Variants in DRC1 observed in about 807,000 individuals in gnomAD.
DRC1 encodes the protein dynein regulatory complex protein 1.
DRC1 carries 74 observed loss-of-function variants against 98.7 expected under a neutral mutation model. That is an observed-to-expected ratio of 0.75 (90% CI 0.62 to 0.91). The LOEUF (loss-of-function observed/expected upper bound fraction) is 0.91, where lower values mean the gene tolerates loss of function less well. DRC1 is among the 40% of genes least tolerant of loss of function. The probability of loss-of-function intolerance (pLI) is 0.00; values close to 1 mark genes in which losing one functional copy is unlikely to be tolerated. For synonymous variants in DRC1, 336 were observed against 334.1 expected (o/e 1.01, Z -0.06); for missense variants, 875 against 886.0 (o/e 0.99, Z 0.16).
chr2:26,425,509 A>G (rs1663260285), intron 4 of DRC1, among the ~76,000 whole-genome samples: 1 of 152,218 alleles, frequency 6.6e-6, no homozygotes, highest in African/African-American at 2.4e-5. Flanking sequence ...ACTGTTTTTT[A>G]TAATGATTGC....
intron 11 of DRC1, 36 bp downstream of exon 11, chr2:26,448,839 C>G (rs766120707): frequency 6.2e-7 from 1 of 1,602,710 alleles, no homozygotes; most frequent in Non-Finnish European, 8.5e-7. Context: ...GAGGGACTCA[C>G]GGGGGTGTGC....
Position 26,401,958 on chromosome 2 carries a change from A to T in DRC1, c.-32A>T. The T allele has an allele frequency of 6.4e-7, 1 of 1,568,838 alleles. No homozygotes were observed. Among genetic ancestry groups the T allele is most frequent in the East Asian group, 2.3e-5 (1 of 42,648 alleles). On this transcript the variant is annotated 5_prime_UTR_variant, in exon 1 of 17. Coordinates refer to ENST00000288710, the MANE Select transcript of DRC1 (RefSeq NM_145038.5). ...AGCCTGAGGTCTGGAGGTGGTGCGG[A>T]GGGAGCCGCCTAGGGACCAGGGACT...
intron 7 of DRC1, among the ~76,000 whole-genome samples, chr2:26,437,419 G>A (rs574899461): frequency 1.3e-5 from 2 of 152,344 alleles, no homozygotes; most frequent in South Asian, 4.1e-4. Context: ...GCAGCTCCCT[G>A]CCCTGCCCCA....
rs1473620076 is a variant in DRC1 at position 26,454,829 on chromosome 2, G to A, written c.2063+39G>A. On this transcript the variant is annotated intron_variant, in intron 15 of 16. Transcript: ENST00000288710. This position sits in a 1 kb window ranked among gnomAD's most constrained non-coding sequence, Gnocchi z 5.2. ...TCATGGAGCAGGAGGGTGCTGGCGG[G>A]CAGGTGAGGAACGGTTGTTGGGAGC... 1.2e-6 allele frequency: 2 copies of A among 1,612,866 alleles called. No individual in the cohort carries two copies. Among genetic ancestry groups the A allele is most frequent in the East Asian group, 2.2e-5 (1 of 44,852 alleles).
chr2:26,421,557 CTTTT>C (rs397873833), intron 3 of DRC1, among the ~76,000 whole-genome samples, 157 bp downstream of exon 3: 3 of 120,120 alleles, frequency 2.5e-5, no homozygotes, highest in Admixed American at 9.2e-5. Context: ...CTTTCTCTCT[CTTTT>C]TTTTTTTTTT....
At chr2:26,434,807 T>A (rs1488340503) in intron 7 of DRC1, among the ~76,000 whole-genome samples, 1 of 150,584 alleles carries the variant, frequency 6.6e-6, no homozygotes, top group Non-Finnish European at 1.5e-5. Flanking sequence ...AGGAGAATGG[T>A]GTGAACCAGG....
intron 13 of DRC1, 74 bp from the exon 14 acceptor site, chr2:26,453,246 C>A: frequency 3.2e-6 from 5 of 1,552,630 alleles, no homozygotes; most frequent in East Asian, 2.3e-5. Context: ...TCTGGTTTTT[C>A]TTCTTCCTGC....
intron 13 of DRC1, 62 bp downstream of exon 13, chr2:26,450,743 A>G (rs994455702): frequency 3.6e-6 from 5 of 1,373,612 alleles, no homozygotes; most frequent in African/African-American, 1.5e-5. Context: ...TATTTATTTT[A>G]TTATACTTTA....
At chr2:26,410,740 C>T (rs1286550899) in intron 1 of DRC1, among the ~76,000 whole-genome samples, 3 of 152,008 alleles carry the variant, frequency 2.0e-5, no homozygotes, top group Admixed American at 1.3e-4. Flanking sequence ...AATAGACCCA[C>T]CCTAAGGCAC....
intron 11 of DRC1, 28 bp from the exon 12 acceptor site, chr2:26,449,968 C>G: frequency 1.2e-6 from 2 of 1,606,482 alleles, no homozygotes; most frequent in Non-Finnish European, 1.7e-6. Context: ...CTGTCCCCGA[C>G]AGGAGATGCC....
chr2:26,452,979 G>A (rs1408599607), intron 13 of DRC1, among the ~76,000 whole-genome samples: 1 of 152,194 alleles, frequency 6.6e-6, no homozygotes, highest in Non-Finnish European at 1.5e-5. Context: ...GGAGTAGGAG[G>A]AAGACCTTTT....
intron 7 of DRC1, among the ~76,000 whole-genome samples, chr2:26,439,647 A>G (rs1326829426): frequency 6.6e-6 from 1 of 151,858 alleles, no homozygotes; most frequent in Non-Finnish European, 1.5e-5. Flanking sequence ...ATTTATTTCT[A>G]TGGTGTTTTT....
intron 1 of DRC1, among the ~76,000 whole-genome samples, chr2:26,411,475 A>G (rs1678607068): frequency 6.6e-6 from 1 of 152,234 alleles, no homozygotes; most frequent in South Asian, 2.1e-4. Context: ...CAAGTGCTTT[A>G]TAGCCACATG....
intron 4 of DRC1, among the ~76,000 whole-genome samples, chr2:26,427,209 T>C (rs1663307822): frequency 6.6e-6 from 1 of 152,100 alleles, no homozygotes; most frequent in Admixed American, 6.6e-5. Context: ...CTCCACCTCC[T>C]GGGCTCAAGT....
intron 16 of DRC1, 114 bp from the exon 17 acceptor site, chr2:26,456,347 A>G: frequency 7.9e-7 from 1 of 1,269,632 alleles, no homozygotes; most frequent in African/African-American, 1.5e-5. Flanking sequence ...AGCTTTGGAG[A>G]GGAGATGCGT....
intron 4 of DRC1, among the ~76,000 whole-genome samples, chr2:26,426,253 G>A (rs1010785017): frequency 3.3e-5 from 5 of 152,176 alleles, no homozygotes; most frequent in Non-Finnish European, 7.4e-5. Context: ...AAGCCATTTG[G>A]TCATATATGT....
chr2:26,436,297 C>T (rs1308430747), intron 7 of DRC1, among the ~76,000 whole-genome samples: 2 of 151,942 alleles, frequency 1.3e-5, no homozygotes, highest in African/African-American at 4.8e-5. Flanking sequence ...TGTTCTTTGC[C>T]CACCCACTCC....
intron 5 of DRC1, 69 bp downstream of exon 5, chr2:26,429,834 T>A: frequency 6.5e-7 from 1 of 1,540,600 alleles, no homozygotes; most frequent in South Asian, 1.2e-5. Context: ...AGGTCTGTCC[T>A]AATAATCTAA....
rs945994669 is a variant in DRC1, at chr2:26,456,691, G to A, written c.*174G>A. 1 of 680,054 alleles carries A rather than the reference G, an allele frequency of 1.5e-6. No homozygotes were observed. The highest frequency in any genetic ancestry group is 1.8e-5 in the African/African-American group (1 of 55,466). The allele number at this position is 680,054 out of a possible 1,614,324, so 42.1% of individuals were successfully genotyped here. On this transcript the variant is annotated 3_prime_UTR_variant, in exon 17 of 17. Transcript: ENST00000288710. ...AGGAGTTACCTGTGTCCTGCATTAT[G>A]ATTAAAGCCTTTTAAAGTTGTGGCT...
Sources: allele counts gnomAD v4.1 joint callset (sites outside exome capture counted in the v4.1 genomes callset), GRCh38; gene constraint gnomAD v4.1.1; non-coding constraint Gnocchi (gnomAD v3.1); transcripts MANE v1.5; gene names NCBI Gene and HGNC (gene_info 2026-07-23, HGNC 2026-07-21).